Variants in LRRC8D observed in about 807,000 individuals in gnomAD.
The protein encoded by LRRC8D is volume-regulated anion channel subunit LRRC8D.
LRRC8D carries 20 observed loss-of-function variants against 55.8 expected under a neutral mutation model. The ratio of observed to expected loss-of-function variants is 0.36; its 90% confidence interval spans 0.25 to 0.52. LRRC8D has a LOEUF of 0.52. Among genes scored for constraint, LRRC8D ranks in the 20% least tolerant of loss-of-function variants. LRRC8D has a pLI of 0.93. For synonymous variants in LRRC8D, 352 were observed against 377.0 expected (o/e 0.93, Z 0.77); for missense variants, 651 against 1,030.8 (o/e 0.63, Z 5.05).
chr1:89,879,838 G>A (rs1662236602), intron 2 of LRRC8D, among the ~76,000 whole-genome samples: 1 of 151,898 alleles, frequency 6.6e-6, no homozygotes, highest in African/African-American at 2.4e-5. Flanking sequence ...CATAAATATG[G>A]TGCTGCTTTT....
intron 2 of LRRC8D, among the ~76,000 whole-genome samples, chr1:89,882,017 C>T (rs181738079): frequency 1.3e-5 from 2 of 152,258 alleles, no homozygotes; most frequent in African/African-American, 4.8e-5. Context: ...CTCCTGAGGC[C>T]CTGCTCAGCA....
chr1:89,822,071 C>T (rs560224092), intron 1 of LRRC8D: 1 of 152,754 alleles, frequency 6.5e-6, no homozygotes, highest in South Asian at 2.1e-4. Flanking sequence ...TAGGGGCCTT[C>T]TCCTTTCCGT....
At chr1:89,928,170 A>C (rs1378775492) in intron 2 of LRRC8D, among the ~76,000 whole-genome samples, 1 of 152,034 alleles carries the variant, frequency 6.6e-6, no homozygotes, top group African/African-American at 2.4e-5. Flanking sequence ...CCCGGTTTCG[A>C]GCAATTCTTC....
At chr1:89,885,412 T>C (rs1238124982) in intron 2 of LRRC8D, among the ~76,000 whole-genome samples, 3 of 152,260 alleles carry the variant, frequency 2.0e-5, no homozygotes, top group Admixed American at 6.5e-5. Context: ...TTTTAAAGAA[T>C]GATGAGGAAA....
intron 2 of LRRC8D, among the ~76,000 whole-genome samples, chr1:89,865,939 T>G (rs1661830065): frequency 1.3e-5 from 2 of 152,234 alleles, no homozygotes; most frequent in South Asian, 2.1e-4. Context: ...AGGAAGTCAA[T>G]AGATTATAGA....
intron 2 of LRRC8D, among the ~76,000 whole-genome samples, chr1:89,868,193 AG>A (rs1232998587): frequency 6.6e-6 from 1 of 152,232 alleles, no homozygotes; most frequent in African/African-American, 2.4e-5. Flanking sequence ...TACATTTTCT[AG>A]TACCTTGTTT....
intron 2 of LRRC8D, among the ~76,000 whole-genome samples, chr1:89,930,855 T>C (rs1158230987): frequency 6.6e-6 from 1 of 151,662 alleles, no homozygotes; most frequent in African/African-American, 2.4e-5. Context: ...TCCAGTAGCT[T>C]TTCTTCCTGC....
rs1242732141 is a variant in LRRC8D, at chr1:89,934,304, C to G, written c.1236C>G (p.Val412=). ...EESSFSDIPD[V]KNDFAFLLHM... is the part of the protein sequence containing the mutation. ...GCAGTTTTAGTGACATTCCAGATGT[C>G]AAAAACGATTTTGCGTTCCTTCTTC... The change falls in exon 3 of 3, where the codon GTC becomes GTG. Residue 412 remains valine (V), a synonymous_variant. Coordinates refer to ENST00000337338, the MANE Select transcript of LRRC8D (RefSeq NM_001134479.2). The surrounding 1 kb of genome is among the most constrained non-coding windows in gnomAD (Gnocchi z 5.9). 1.2e-6 allele frequency: 2 copies of G among 1,613,984 alleles called. No individual in the cohort carries two copies. Among genetic ancestry groups the G allele is most frequent in the Non-Finnish European group, 1.7e-6 (2 of 1,179,900 alleles).
intron 2 of LRRC8D, among the ~76,000 whole-genome samples, chr1:89,844,841 G>A (rs1393681788): frequency 2.0e-5 from 3 of 152,206 alleles, no homozygotes; most frequent in African/African-American, 7.2e-5. Context: ...ACTAAGGGGA[G>A]TGGGATGGCT....
At chr1:89,901,363 A>G (rs146364985) in intron 2 of LRRC8D, among the ~76,000 whole-genome samples, 116 of 152,342 alleles carry the variant, frequency 7.6e-4, no homozygotes, top group Non-Finnish European at 1.3e-3. Context: ...ATCAGTGGGC[A>G]ATAGTTTCTC....
chr1:89,857,057 A>G (rs532186278), intron 2 of LRRC8D, among the ~76,000 whole-genome samples: 8 of 152,190 alleles, frequency 5.3e-5, no homozygotes, highest in Non-Finnish European at 1.0e-4. Flanking sequence ...ATGCGTAGAA[A>G]AAAATTTGAA....
chr1:89,924,253 G>A lies in LRRC8D; in HGVS notation c.-2-8814G>A, dbSNP rs533110081. ...CAAAAAACAATCCCATTAAGAAATG[G>A]GCAAAGGACATGAACAAACACTTCT... On this transcript the variant is annotated intron_variant, in intron 2 of 2. Transcript: ENST00000337338. Among the ~76,000 whole-genome samples the A allele has an allele frequency of 1.1e-4, 16 of 152,208 alleles. 1 individual carries two copies. Among genetic ancestry groups the A allele is most frequent in the African/African-American group, 3.6e-4 (15 of 41,516 alleles).
chr1:89,830,755 A>C (rs545087888), intron 1 of LRRC8D, among the ~76,000 whole-genome samples: 2 of 152,316 alleles, frequency 1.3e-5, no homozygotes, highest in South Asian at 4.1e-4. Flanking sequence ...TCTGATTTTA[A>C]AGGTTGGCTA....
At chr1:89,876,131 G>A (rs528921123) in intron 2 of LRRC8D, among the ~76,000 whole-genome samples, 35 of 152,178 alleles carry the variant, frequency 2.3e-4, no homozygotes, top group African/African-American at 4.8e-4. Context: ...TGCTGGACCC[G>A]TTGGAAGCTT....
intron 2 of LRRC8D, among the ~76,000 whole-genome samples, chr1:89,914,616 G>T (rs1407811575): frequency 1.3e-5 from 2 of 151,936 alleles, no homozygotes; most frequent in Non-Finnish European, 2.9e-5. Flanking sequence ...CTATAATTAG[G>T]GTGACAGTAA....
intron 2 of LRRC8D, among the ~76,000 whole-genome samples, chr1:89,919,606 CCTA>C (rs1434615398): frequency 6.6e-6 from 1 of 152,140 alleles, no homozygotes; most frequent in Non-Finnish European, 1.5e-5. Flanking sequence ...CATTACAAAT[CCTA>C]CTAACTGTCT....
chr1:89,843,229 T>TG (rs1218857914), intron 1 of LRRC8D: 3 of 157,352 alleles, frequency 1.9e-5, no homozygotes, highest in East Asian at 1.8e-4. Context: ...AATTATTTTC[T>TG]GGGGGGTAGG....
chr1:89,834,514 T>C (rs952132116), intron 1 of LRRC8D, among the ~76,000 whole-genome samples: 3 of 152,252 alleles, frequency 2.0e-5, no homozygotes, highest in Non-Finnish European at 4.4e-5. Context: ...CAGGGAGAGC[T>C]AAACTTCGAC....
At chr1:89,826,288 G>T (rs528008485) in intron 1 of LRRC8D, among the ~76,000 whole-genome samples, 5 of 151,486 alleles carry the variant, frequency 3.3e-5, no homozygotes, top group African/African-American at 1.2e-4. Flanking sequence ...TTTTTTAGAC[G>T]GAGTCTCGCT....
Sources: gnomAD v4.1 joint callset for allele counts (sites outside exome capture counted in the v4.1 genomes callset) on GRCh38, gnomAD v4.1.1 for gene constraint, Gnocchi (gnomAD v3.1) non-coding constraint, MANE v1.5 for transcripts, NCBI Gene and HGNC (gene_info 2026-07-23, HGNC 2026-07-21) for gene names.